MTA3: variants seen among roughly 807,000 people sequenced by gnomAD.
MTA3 encodes metastasis-associated protein MTA3.
MTA3 carries 34 observed loss-of-function variants against 83.5 expected under a neutral mutation model. The ratio of observed to expected loss-of-function variants is 0.41; its 90% CI spans 0.31 to 0.54. MTA3 has a LOEUF of 0.54. Ranked by LOEUF, MTA3 falls within the 20% of genes least tolerant of loss-of-function variation. The pLI, the probability that MTA3 is intolerant of heterozygous loss-of-function variation, is 0.33. For missense variants in MTA3, 761 were observed against 726.4 expected (o/e 1.05, Z -0.55); for synonymous variants, 303 against 252.7 (o/e 1.20, Z -1.89).
chr2:42,549,654 T>TTATATACACATATAATATATAATATATTA (rs1677020801), intron 2 of MTA3, among the ~76,000 whole-genome samples: 1 of 128,102 alleles, frequency 7.8e-6, no homozygotes, highest in African/African-American at 3.0e-5. Context: ...ATATAATATA[T>TTATATACACATATAATATATAATATATTA]TATATACATA....
intron 9 of MTA3, among the ~76,000 whole-genome samples, chr2:42,692,996 C>A (rs1280945671): frequency 6.6e-6 from 1 of 152,202 alleles, no homozygotes; most frequent in Non-Finnish European, 1.5e-5. Flanking sequence ...CAAAGTACTC[C>A]CTTGGTAGTC....
intron 2 of MTA3, among the ~76,000 whole-genome samples, chr2:42,509,104 G>A (rs932327563): frequency 3.3e-5 from 5 of 151,784 alleles, no homozygotes; most frequent in Admixed American, 6.6e-5. Context: ...GTGCAGTGGC[G>A]TGATCTTGGC....
rs188047926 is a variant in MTA3 at position 42,705,590 on chromosome 2, C to T, written c.1150+1272C>T. Among the ~76,000 whole-genome samples, 400 of 152,266 alleles carry T rather than the reference C, an allele frequency of 2.6e-3. 2 individuals carry two copies. Among genetic ancestry groups the T allele is most frequent in the African/African-American group, 9.1e-3 (379 of 41,558 alleles). ...GCATGGTGGCATGCACCTGTAATCC[C>T]AGCTACTCAGGAGGCTGAGGCAGGA... On this transcript the variant is annotated intron_variant, in intron 12 of 16. Transcript: ENST00000405094.
rs1338597244 is a variant in MTA3, at chr2:42,756,186, G to A, written c.*2787G>A. ...CTGGCTGGGCACCAGGGGAGGACGC[G>A]TCACCAGAGCCTGGGGCCAAGGCCA... On this transcript the variant is annotated 3_prime_UTR_variant, in exon 17 of 17. Coordinates refer to ENST00000405094, the MANE Select transcript of MTA3 (RefSeq NM_001330442.2). 2.9e-5 allele frequency: 8 copies of A among 274,206 alleles called. No homozygotes were observed. The highest frequency in any genetic ancestry group is 1.4e-4 in the South Asian group (1 of 7,182). The allele number at this position is 274,206 out of a possible 1,614,324, so 17.0% of individuals were successfully genotyped here.
At chr2:42,609,033 T>TA (rs1683852333) in intron 3 of MTA3, among the ~76,000 whole-genome samples, 1 of 8,600 alleles carries the variant, frequency 1.2e-4, no homozygotes, top group Non-Finnish European at 1.8e-4. Flanking sequence ...AAATGTTTAA[T>TA]TTTTTTTTTT....
intron 4 of MTA3, among the ~76,000 whole-genome samples, chr2:42,635,253 G>C (rs1433940394): frequency 6.6e-6 from 1 of 152,222 alleles, no homozygotes; most frequent in South Asian, 2.1e-4. Context: ...GTTAAATGCT[G>C]TCAAAACTGT....
rs549080680 is a variant in MTA3 at position 42,530,793 on chromosome 2, G to T, written c.-141+35539G>T. On this transcript the variant is annotated intron_variant, in intron 2 of 17. Coordinates refer to the MTA3 transcript ENST00000405592. ...AGAGTGAAACTCTGTCTGAAAAAAA[G>T]AAAAAAGAAACTTAATCCCCATTGT... 2.0e-5 allele frequency among the ~76,000 whole-genome samples: 3 copies of T among 152,096 alleles called. No individual in the cohort carries two copies. In the East Asian group the frequency reaches 5.8e-4, roughly 29 times the overall value.
intron 8 of MTA3, among the ~76,000 whole-genome samples, chr2:42,674,745 C>T (rs1447187098): frequency 4.0e-5 from 6 of 151,516 alleles, no homozygotes; most frequent in East Asian, 1.9e-4. Flanking sequence ...ACTACAGGCG[C>T]GTGCCACCAT....
At chr2:42,570,936 C>A (rs1254459438) in intron 2 of MTA3, among the ~76,000 whole-genome samples, 1 of 151,522 alleles carries the variant, frequency 6.6e-6, no homozygotes, top group African/African-American at 2.4e-5. Flanking sequence ...TCGCTTGAAC[C>A]CGGGAGGCGG....
intron 4 of MTA3, 74 bp from the exon 5 acceptor site, chr2:42,640,099 T>G: frequency 8.9e-7 from 1 of 1,119,682 alleles, no homozygotes; most frequent in Non-Finnish European, 1.3e-6. Context: ...CTCACATTCT[T>G]AACTTTGTAT....
chr2:42,540,849 T>TA (rs1051859123), intron 2 of MTA3, among the ~76,000 whole-genome samples: 7 of 144,626 alleles, frequency 4.8e-5, no homozygotes, highest in South Asian at 4.5e-4. Flanking sequence ...AAAAAAAAAT[T>TA]AAAAAAAAAA....
At position 42,670,624 on chromosome 2, in the gene MTA3, C is replaced by T. The variant is rs183683500; in HGVS notation, c.702+10762C>T. On this transcript the variant is annotated intron_variant, in intron 8 of 16. Coordinates refer to ENST00000405094, the MANE Select transcript of MTA3 (RefSeq NM_001330442.2). ...TTATGCCTACTCAGGTAAACTGGCC[C>T]CTTCTGATTGGTTGCTGTGAATCTT... Among the ~76,000 whole-genome samples, 571 of 152,022 alleles carry T rather than the reference C, an allele frequency of 3.8e-3. 4 individuals carry two copies. The highest frequency in any genetic ancestry group is 5.7e-3 in the Non-Finnish European group (387 of 67,980).
At chr2:42,515,920 CAG>C (rs1675126580) in intron 2 of MTA3, among the ~76,000 whole-genome samples, 1 of 150,598 alleles carries the variant, frequency 6.6e-6, no homozygotes, top group African/African-American at 2.4e-5. Context: ...GGCTCACTGC[CAG>C]CTCTGCCTCC....
chr2:42,656,152 A>C (rs778733724), intron 6 of MTA3, 48 bp from the exon 7 acceptor site: 2 of 1,368,338 alleles, frequency 1.5e-6, no homozygotes, highest in African/African-American at 1.4e-5. Context: ...GGTATGAGAC[A>C]GTATGCCTTG....
rs1036645425 is a variant in MTA3, at chr2:42,656,290, T to C, written c.590T>C (p.Leu197Ser). 1 of 1,612,848 alleles carries C rather than the reference T, an allele frequency of 6.2e-7. No homozygotes were observed. The highest frequency in any genetic ancestry group is 8.5e-7 in the Non-Finnish European group (1 of 1,178,942). Reference sequence around the variant, plus strand: ...ACGGATCGACAGATTGACCAGTTTTTAGTTGTAGCACGGTGAGTATGAGTA... The same window carrying C: ...ACGGATCGACAGATTGACCAGTTTTCAGTTGTAGCACGGTGAGTATGAGTA... ...PLTDRQIDQF[L>S]VVARAVGTFA... The change falls in exon 7 of 17, where the codon TTA becomes TCA. Residue 197 changes from leucine (L) to serine (S), a missense_variant. By Grantham distance (145) the Leu-to-Ser change is moderately radical. Transcript: ENST00000405094.
intron 2 of MTA3, among the ~76,000 whole-genome samples, chr2:42,517,119 G>A (rs926859772): frequency 6.6e-6 from 1 of 152,020 alleles, no homozygotes; most frequent in African/African-American, 2.4e-5. Context: ...AATAAACCGG[G>A]TGTGGTGGTG....
chr2:42,519,753 T>A (rs1210338992), intron 2 of MTA3, among the ~76,000 whole-genome samples: 1 of 151,818 alleles, frequency 6.6e-6, no homozygotes, highest in Non-Finnish European at 1.5e-5. Context: ...AAAAATTCTT[T>A]TAAAAATTAA....
chr2:42,670,984 GA>G (rs1218762114), intron 8 of MTA3, among the ~76,000 whole-genome samples: 6 of 148,856 alleles, frequency 4.0e-5, no homozygotes, highest in South Asian at 2.1e-4. Flanking sequence ...TATGGCAAAA[GA>G]AAAAAAAAAT....
At chr2:42,632,231 C>T (rs1290067987) in intron 4 of MTA3, among the ~76,000 whole-genome samples, 1 of 151,704 alleles carries the variant, frequency 6.6e-6, no homozygotes, top group East Asian at 1.9e-4. Context: ...CTGGGTTCTA[C>T]AGGCGGCCGC....
Sources: gnomAD v4.1 joint callset for allele counts (sites outside exome capture counted in the v4.1 genomes callset) on GRCh38, gnomAD v4.1.1 for gene constraint, MANE v1.5 for transcripts, NCBI Gene and HGNC (gene_info 2026-07-23, HGNC 2026-07-21) for gene names.